The following ARL5A variants were observed in gnomAD, a reference collection of about 807,000 sequenced individuals.
The protein encoded by ARL5A is ARF like GTPase 5A, also known as ADP-ribosylation factor-like protein 5A.
A neutral mutation model predicts 25.9 loss-of-function variants in ARL5A; 18 were observed. The observed-to-expected ratio is 0.69, with a 90% CI of 0.48 to 1.03. ARL5A has a LOEUF of 1.03. ARL5A is among the 50% of genes least tolerant of loss of function. The pLI is 0.00. For synonymous variants in ARL5A, 61 were observed against 67.5 expected (o/e 0.90, Z 0.47); for missense variants, 170 against 211.9 (o/e 0.80, Z 1.23).
intron 3 of ARL5A, among the ~76,000 whole-genome samples, chr2:151,813,140 C>T (rs1470160529): frequency 6.6e-6 from 1 of 152,226 alleles, no homozygotes; most frequent in Non-Finnish European, 1.5e-5. Flanking sequence ...TTTATGATAA[C>T]ATTTATGATG....
intron 4 of ARL5A, among the ~76,000 whole-genome samples, chr2:151,809,377 C>T (rs1429018858): frequency 6.6e-6 from 1 of 152,124 alleles, no homozygotes. Flanking sequence ...TAAAAGGTCT[C>T]CAAATATCTT....
intron 1 of ARL5A, among the ~76,000 whole-genome samples, chr2:151,816,350 A>T (rs1469171431): frequency 6.6e-6 from 1 of 152,218 alleles, no homozygotes; most frequent in Non-Finnish European, 1.5e-5. Context: ...TTGAACCTAC[A>T]GAGTACTTTA....
In ARL5A at chr2:151,803,965, A is replaced by C. The variant is rs200864210; in HGVS notation, c.492-641T>G. 2.1e-4 allele frequency among the ~76,000 whole-genome samples: 32 copies of C among 152,300 alleles called. No homozygotes were observed. In the East Asian group the frequency reaches 6.2e-3, roughly 29 times the overall value. ...AATAATTTTTGTCTAAAAATACAGA[A>C]AAAAATAAATTACAAGACATTTGTA... is the stretch of plus-strand genomic sequence containing the variant. On this transcript the variant is annotated intron_variant, in intron 5 of 5. Coordinates refer to ENST00000295087, the MANE Select transcript of ARL5A (RefSeq NM_012097.4).
chr2:151,817,246 C>T (rs958533226), intron 1 of ARL5A, among the ~76,000 whole-genome samples: 1 of 152,204 alleles, frequency 6.6e-6, no homozygotes, highest in Admixed American at 6.5e-5. Flanking sequence ...TGCTTTCCCA[C>T]ACTACCTCTA....
intron 1 of ARL5A, among the ~76,000 whole-genome samples, chr2:151,825,302 A>C (rs2099832901): frequency 6.6e-6 from 1 of 152,096 alleles, no homozygotes; most frequent in South Asian, 2.1e-4. Flanking sequence ...GGGGAGGAGG[A>C]GGGAGGGAAA....
intron 5 of ARL5A, among the ~76,000 whole-genome samples, chr2:151,805,667 T>C (rs1010539874): frequency 6.6e-6 from 1 of 152,166 alleles, no homozygotes; most frequent in Non-Finnish European, 1.5e-5. Flanking sequence ...CTATACAGCA[T>C]GTTACTGTAC....
rs781119879 is a variant in ARL5A at position 151,806,947 on chromosome 2, A to C, written c.365T>G (p.Ile122Ser). ...HEDLRKAGLL[I>S]FANKQDVKEC... The stretch of plus-strand genomic sequence containing the variant: ...TTTAACATCTTGTTTATTAGCAAAA[A>C]TCAGCAATCCAGCTTTTCTTAGGTC... The change falls in exon 5 of 6, where the codon ATT (isoleucine) becomes AGT (serine). Residue 122 changes from isoleucine to serine, a missense_variant. By Grantham distance (142) the Ile-to-Ser change is moderately radical. Coordinates refer to ENST00000295087, the MANE Select transcript of ARL5A (RefSeq NM_012097.4). 3.7e-6 allele frequency: 6 copies of C among 1,611,756 alleles called. No individual in the cohort carries two copies. The highest frequency in any genetic ancestry group is 2.2e-5 in the East Asian group (1 of 44,802).
intron 4 of ARL5A, 96 bp from the exon 5 acceptor site, chr2:151,807,068 A>AT: frequency 8.7e-7 from 1 of 1,155,072 alleles, no homozygotes; most frequent in Non-Finnish European, 1.2e-6. Flanking sequence ...GTAAACAAGA[A>AT]TTTCTCAACT....
intron 1 of ARL5A, among the ~76,000 whole-genome samples, chr2:151,817,429 A>G (rs529729812): frequency 6.6e-6 from 1 of 152,352 alleles, no homozygotes; most frequent in East Asian, 1.9e-4. Context: ...ATAAGTAATA[A>G]ATGTTGAGGA....
At chr2:151,808,928 C>T (rs1283969741) in intron 4 of ARL5A, among the ~76,000 whole-genome samples, 1 of 152,144 alleles carries the variant, frequency 6.6e-6, no homozygotes, top group African/African-American at 2.4e-5. Context: ...CACACCTGTA[C>T]TCTCAGCTAC....
intron 4 of ARL5A, among the ~76,000 whole-genome samples, chr2:151,808,535 C>T (rs2099830397): frequency 6.6e-6 from 1 of 152,194 alleles, no homozygotes; most frequent in African/African-American, 2.4e-5. Context: ...AATGCTACCA[C>T]AGTTTATATA....
chr2:151,824,217 T>C (rs759927631), intron 1 of ARL5A, among the ~76,000 whole-genome samples: 2 of 152,188 alleles, frequency 1.3e-5, no homozygotes, highest in Admixed American at 6.5e-5. Context: ...TATTATAAAA[T>C]AGGCTTTGGG....
chr2:151,807,410 C>T (rs2099830232), intron 4 of ARL5A, among the ~76,000 whole-genome samples: 1 of 152,126 alleles, frequency 6.6e-6, no homozygotes, highest in African/African-American at 2.4e-5. Context: ...TTGGGCACTG[C>T]CATCTCTATG....
At chr2:151,824,932 A>C (rs936668815) in intron 1 of ARL5A, among the ~76,000 whole-genome samples, 1 of 152,232 alleles carries the variant, frequency 6.6e-6, no homozygotes, top group Non-Finnish European at 1.5e-5. Flanking sequence ...AAGGGGAATA[A>C]TATCTACCTT....
rs2099829669 is a variant in ARL5A at position 151,803,321 on chromosome 2, C to T, written c.495G>A (p.Leu165=). ...ACATCATCCATTCAAGTCCTTGGCA[C>T]AATCTATAAAGAAAACAAAATCATT... ...QACCALTGEG[L]CQGLEWMMSR... The change falls in exon 6 of 6, where the codon TTG becomes TTA. Residue 165 remains leucine, a synonymous_variant. Coordinates refer to ENST00000295087, the MANE Select transcript of ARL5A (RefSeq NM_012097.4). 4 of 1,611,638 alleles carry T rather than the reference C, an allele frequency of 2.5e-6. No homozygotes were observed.
At chr2:151,821,654 G>C (rs2099832323) in intron 1 of ARL5A, among the ~76,000 whole-genome samples, 1 of 152,196 alleles carries the variant, frequency 6.6e-6, no homozygotes, top group Non-Finnish European at 1.5e-5. Flanking sequence ...GCCCAGGCTA[G>C]AGTGCAGTGG....
At chr2:151,819,320 T>C (rs1450441823) in intron 1 of ARL5A, among the ~76,000 whole-genome samples, 1 of 152,244 alleles carries the variant, frequency 6.6e-6, no homozygotes, top group Non-Finnish European at 1.5e-5. Context: ...TTTCAGAGCC[T>C]GAGGTACACC....
intron 1 of ARL5A, among the ~76,000 whole-genome samples, chr2:151,826,298 C>G (rs113902817): frequency 2.1e-3 from 324 of 152,260 alleles, no homozygotes; most frequent in African/African-American, 7.3e-3. Flanking sequence ...TCATTAATTT[C>G]TCTATTAATT....
Position 151,812,418 on chromosome 2 carries a change from C to T in ARL5A, c.278G>A (p.Ser93Asn). Residue 93 changes from serine to asparagine, a missense_variant, in exon 4 of 6, where the codon AGT becomes AAT. Physicochemically the swap from Ser to Asn is conservative, Grantham distance 46. Transcript: ENST00000295087. ...NTEFVIVVVDSTDRERISVTR... is the reference protein window; with the variant it reads ...NTEFVIVVVDNTDRERISVTR... The stretch of plus-strand genomic sequence containing the variant: ...TACAGAAATCCTCTCTCTGTCTGTA[C>T]TGTCCACAACAACTATTACAAACTA... 6.3e-7 allele frequency: 1 copy of T among 1,593,180 alleles called. No homozygotes were observed. Among genetic ancestry groups the T allele is most frequent in the Non-Finnish European group, 8.5e-7 (1 of 1,173,012 alleles).
Sources: allele counts gnomAD v4.1 joint callset (sites outside exome capture counted in the v4.1 genomes callset), GRCh38; gene constraint gnomAD v4.1.1; transcripts MANE v1.5; gene names NCBI Gene and HGNC (gene_info 2026-07-23, HGNC 2026-07-21).